Variants in DNAL4 observed in about 807,000 individuals in gnomAD.
DNAL4 encodes the protein dynein axonemal light chain 4, also known as dynein light chain, outer arm 4.
DNAL4 carries 10 observed loss-of-function variants against 12.6 expected under a neutral mutation model. That is an observed-to-expected ratio of 0.79 (90% CI 0.49 to 1.34). The LOEUF (loss-of-function observed/expected upper bound fraction) is 1.34. Ranked by LOEUF, DNAL4 falls within the 40% of genes most tolerant of loss-of-function variation. The pLI is 0.00. For synonymous variants in DNAL4, 46 were observed against 53.1 expected (o/e 0.87, Z 0.58); for missense variants, 128 against 138.1 (o/e 0.93, Z 0.37).
rs1205240356 is a variant in DNAL4 at position 38,780,635 on chromosome 22, C to A, written c.153+291G>T. 9.5e-6 allele frequency: 4 copies of A among 421,506 alleles called. No homozygotes were observed. In the Admixed American group the frequency reaches 1.5e-4, roughly 16 times the overall value. 26.1% of individuals were successfully genotyped at this position (421,506 alleles called of 1,614,324 possible). On this transcript the variant is annotated intron_variant, in intron 3 of 3. Coordinates refer to ENST00000216068, the MANE Select transcript of DNAL4 (RefSeq NM_005740.3). Reference sequence around the variant, plus strand: ...GCCTCTGTTCACCACTGGGATGGAACCACGGGGAAAGGCACCCTATTCAGC... The same window carrying A: ...GCCTCTGTTCACCACTGGGATGGAAACACGGGGAAAGGCACCCTATTCAGC...
chr22:38,784,270 G>A (rs930975452), intron 1 of DNAL4, among the ~76,000 whole-genome samples: 1 of 152,130 alleles, frequency 6.6e-6, no homozygotes, highest in African/African-American at 2.4e-5. Flanking sequence ...AGGGACAGAG[G>A]CATGAGGCTG....
At chr22:38,781,323 C>T (rs908015573) in intron 2 of DNAL4, among the ~76,000 whole-genome samples, 2 of 152,238 alleles carry the variant, frequency 1.3e-5, no homozygotes, top group South Asian at 2.1e-4. Context: ...TGTGTTCCGA[C>T]GGAATCTCAC....
intron 3 of DNAL4, among the ~76,000 whole-genome samples, chr22:38,780,022 G>A (rs565964834): frequency 6.6e-6 from 1 of 152,320 alleles, no homozygotes; most frequent in Admixed American, 6.5e-5. Context: ...TGCAGACTGC[G>A]AGGTACCTGA....
chr22:38,792,483 A>G (rs2093052393), intron 1 of DNAL4, among the ~76,000 whole-genome samples: 1 of 152,158 alleles, frequency 6.6e-6, no homozygotes, highest in Non-Finnish European at 1.5e-5. Context: ...AGGTTTTACC[A>G]TGTTGGCCAG....
chr22:38,782,755 A>T lies in DNAL4; in HGVS notation c.-24T>A. ...ATGATCCTTCCACTGTGACCACTGG[A>T]GGAGAGTGGGGCTTTCAGGAGGTGC... is the stretch of plus-strand genomic sequence containing the variant. On this transcript the variant is annotated 5_prime_UTR_variant, in exon 2 of 4. Coordinates refer to ENST00000216068, the MANE Select transcript of DNAL4 (RefSeq NM_005740.3). This position sits in a 1 kb window ranked among gnomAD's most constrained non-coding sequence, Gnocchi z 5.1. 1 of 1,600,154 alleles carries T rather than the reference A, an allele frequency of 6.2e-7. No individual in the cohort carries two copies. The highest frequency in any genetic ancestry group is 8.5e-7 in the Non-Finnish European group (1 of 1,174,376).
At chr22:38,792,540 C>T (rs753196442) in intron 1 of DNAL4, among the ~76,000 whole-genome samples, 2 of 152,236 alleles carry the variant, frequency 1.3e-5, no homozygotes, top group Non-Finnish European at 2.9e-5. Flanking sequence ...GTGTCGGCCT[C>T]CCGAAGTGCT....
chr22:38,779,664 G>A lies in DNAL4; in HGVS notation c.154-51C>T. 1 of 1,547,934 alleles carries A rather than the reference G, an allele frequency of 6.5e-7. No homozygotes were observed. The highest frequency in any genetic ancestry group is 8.8e-7 in the Non-Finnish European group (1 of 1,141,832). On this transcript the variant is annotated intron_variant, in intron 3 of 3. Transcript: ENST00000216068. This position sits in a 1 kb window ranked among gnomAD's most constrained non-coding sequence, Gnocchi z 4.3. ...GGGGGCGCAGGGCAGGTGGGGGCAG[G>A]AGTCAGGTCCTTCTCCAGGAAGGAG...
intron 2 of DNAL4, among the ~76,000 whole-genome samples, 158 bp from the exon 3 acceptor site, chr22:38,781,167 G>C (rs1230693285): frequency 6.6e-6 from 1 of 152,244 alleles, no homozygotes; most frequent in Non-Finnish European, 1.5e-5. Flanking sequence ...AGGGCCTGCA[G>C]CTGGGGCAAA....
At chr22:38,780,446 C>T (rs372854172) in intron 3 of DNAL4, among the ~76,000 whole-genome samples, 44 of 152,354 alleles carry the variant, frequency 2.9e-4, no homozygotes, top group African/African-American at 8.7e-4. Context: ...AGTGTCTTGC[C>T]TCCCCACCGG....
At chr22:38,788,867 G>A (rs905178352) in intron 1 of DNAL4, among the ~76,000 whole-genome samples, 2 of 152,156 alleles carry the variant, frequency 1.3e-5, no homozygotes, top group Non-Finnish European at 2.9e-5. Context: ...TCTCACAACC[G>A]ATCACGACTT....
rs552015950 is a variant in DNAL4 at position 38,779,813 on chromosome 22, C to G, written c.154-200G>C. ...AGGTCTATTACACAGGCACAGAAAA[C>G]TAGACATTACTCAGCAGTCAAGAAG... On this transcript the variant is annotated intron_variant, in intron 3 of 3. Transcript: ENST00000216068. This position sits in a 1 kb window ranked among gnomAD's most constrained non-coding sequence, Gnocchi z 4.3. Among the ~76,000 whole-genome samples, 3 of 152,160 alleles carry G rather than the reference C, an allele frequency of 2.0e-5. No individual in the cohort carries two copies. Among genetic ancestry groups the G allele is most frequent in the Non-Finnish European group, 2.9e-5 (2 of 68,038 alleles).
At chr22:38,785,297 CAG>C (rs2093040623) in intron 1 of DNAL4, 2 of 152,154 alleles carry the variant, frequency 1.3e-5, no homozygotes, top group Non-Finnish European at 2.9e-5. Flanking sequence ...ACACTGATGA[CAG>C]AAGGAAAAGG....
At chr22:38,788,684 G>GAGAAC (rs2093046064) in intron 1 of DNAL4, among the ~76,000 whole-genome samples, 1 of 152,220 alleles carries the variant, frequency 6.6e-6, no homozygotes, top group African/African-American at 2.4e-5. Context: ...TTAGCTCCCG[G>GAGAAC]AGAACAGCTG....
chr22:38,789,167 T>C (rs2093046748), intron 1 of DNAL4, among the ~76,000 whole-genome samples: 2 of 152,168 alleles, frequency 1.3e-5, no homozygotes, highest in East Asian at 1.9e-4. Context: ...CCTACGTTAC[T>C]GGTATAGCCA....
chr22:38,780,208 G>A (rs1173754396), intron 3 of DNAL4, among the ~76,000 whole-genome samples: 2 of 152,146 alleles, frequency 1.3e-5, no homozygotes, highest in Admixed American at 6.5e-5. Flanking sequence ...CACCAACAGC[G>A]CCTCCCACCA....
chr22:38,780,445 C>T (rs2093032590), intron 3 of DNAL4, among the ~76,000 whole-genome samples: 1 of 152,222 alleles, frequency 6.6e-6, no homozygotes, highest in Admixed American at 6.5e-5. Flanking sequence ...CAGTGTCTTG[C>T]CTCCCCACCG....
In DNAL4 at chr22:38,780,997, G is replaced by T. The variant is rs1289692162; in HGVS notation, c.82C>A (p.Pro28Thr). ...TFPLVRHSDM[P>T]EEMRVETMEL... ...ATGGTCTCCACGCGCATCTCCTCTG[G>T]CATGTCCGAGTGCTAGAGACAGGGC... The change falls in exon 3 of 4, where the codon CCA becomes ACA. Residue 28 changes from proline (P) to threonine (T), a missense_variant. Physicochemically the swap from Pro to Thr is conservative, Grantham distance 38. Coordinates refer to ENST00000216068, the MANE Select transcript of DNAL4 (RefSeq NM_005740.3). The T allele has an allele frequency of 6.2e-7, 1 of 1,614,110 alleles. No homozygotes were observed. Among genetic ancestry groups the T allele is most frequent in the East Asian group, 2.2e-5 (1 of 44,876 alleles).
intron 1 of DNAL4, among the ~76,000 whole-genome samples, chr22:38,792,736 A>G (rs1255841835): frequency 2.0e-5 from 3 of 152,216 alleles, no homozygotes; most frequent in South Asian, 4.1e-4. Context: ...AATAACACGC[A>G]TGGAGCTGTC....
chr22:38,784,920 T>A (rs1422941261), intron 1 of DNAL4, among the ~76,000 whole-genome samples: 1 of 151,630 alleles, frequency 6.6e-6, no homozygotes, highest in East Asian at 1.9e-4. Context: ...CTCCAATGAC[T>A]CGGTGCCACT....
Sources: gnomAD v4.1 joint callset for allele counts (sites outside exome capture counted in the v4.1 genomes callset) on GRCh38, gnomAD v4.1.1 for gene constraint, Gnocchi (gnomAD v3.1) non-coding constraint, MANE v1.5 for transcripts, NCBI Gene and HGNC (gene_info 2026-07-23, HGNC 2026-07-21) for gene names.